Variants in AGR2 observed in about 807,000 individuals in gnomAD.
The protein encoded by AGR2 is anterior gradient 2, protein disulphide isomerase family member.
AGR2 carries 27 observed loss-of-function variants against 25.9 expected under a neutral mutation model. That is an observed-to-expected ratio of 1.04 (90% CI 0.77 to 1.44). The LOEUF is 1.44. Ranked by LOEUF, AGR2 falls within the 40% of genes most tolerant of loss-of-function variation. The pLI, the probability that AGR2 is intolerant of heterozygous loss-of-function variation, is 0.00. For missense variants in AGR2, 182 were observed against 200.9 expected (o/e 0.91, Z 0.57); for synonymous variants, 78 against 72.0 (o/e 1.08, Z -0.42).
At chr7:16,797,729 T>G (rs1472983743) in intron 5 of AGR2, 35 bp from the exon 6 acceptor site, 16 of 1,590,296 alleles carry the variant, frequency 1.0e-5, no homozygotes, top group Non-Finnish European at 1.3e-5. Flanking sequence ...TTAGTTTACT[T>G]TGACTTTTCA....
chr7:16,799,435 G>A lies in AGR2; in HGVS notation c.330+309C>T, dbSNP rs561681240. 365 of 267,008 alleles carry A rather than the reference G, an allele frequency of 1.4e-3. 1 individual carries two copies. The highest frequency in any genetic ancestry group is 3.6e-3 in the Admixed American group (75 of 20,600). 16.5% of individuals were successfully genotyped at this position (267,008 alleles called of 1,614,324 possible). A position where few individuals can be genotyped will look rare whatever the true frequency, so the allele number is the denominator to read the frequency against. ...GAGATGACCAGGATTAAGAATGGGT[G>A]TAGAGAAGCCAGGACTATAGAGGGA... On this transcript the variant is annotated intron_variant, in intron 5 of 7. Transcript: ENST00000419304.
At position 16,801,687 on chromosome 7, in the gene AGR2, C is replaced by T. The variant is rs372556930; in HGVS notation, c.110G>A (p.Arg37Gln). ...GGAGAGGGTCTGGGGCAGTTTGGGT[C>T]GAGAGTCCTTTGTGTCCTTTTTGGC... ...PGAKKDTKDSRPKLPQTLSRG... is the reference protein window; with the variant it reads ...PGAKKDTKDSQPKLPQTLSRG... Residue 37 changes from arginine to glutamine, a missense_variant, in exon 2 of 8, where the codon CGA becomes CAA. Coordinates refer to ENST00000419304, the MANE Select transcript of AGR2 (RefSeq NM_006408.4). 2.4e-5 allele frequency: 38 copies of T among 1,613,334 alleles called. No homozygotes were observed. The highest frequency in any genetic ancestry group is 4.0e-5 in the African/African-American group (3 of 74,658).
intron 7 of AGR2, among the ~76,000 whole-genome samples, chr7:16,793,679 C>T (rs58926405): frequency 0.027 from 4,044 of 152,200 alleles, 161 homozygotes; most frequent in East Asian, 0.076. Context: ...CATACAAACA[C>T]GATTAGAACT....
chr7:16,800,364 A>G (rs768017819), intron 4 of AGR2, among the ~76,000 whole-genome samples: 1 of 152,204 alleles, frequency 6.6e-6, no homozygotes, highest in Non-Finnish European at 1.5e-5. Flanking sequence ...ACTAGCTGTG[A>G]GGTGGGAATG....
At chr7:16,794,570 T>C (rs961449581) in intron 7 of AGR2, 2 of 428,936 alleles carry the variant, frequency 4.7e-6, no homozygotes, top group Non-Finnish European at 8.2e-6. Context: ...CTTTCACTTT[T>C]GTTATTTAAA....
intron 1 of AGR2, 47 bp from the exon 2 acceptor site, chr7:16,801,850 A>T (rs1326054768): frequency 1.3e-6 from 2 of 1,562,626 alleles, no homozygotes; most frequent in Non-Finnish European, 1.7e-6. Flanking sequence ...TTGAACTAGC[A>T]GTCTTCAGGG....
chr7:16,799,788 C>G lies in AGR2; in HGVS notation c.286G>C (p.Glu96Gln), dbSNP rs776432855. 6.8e-6 allele frequency: 11 copies of G among 1,613,126 alleles called. No individual in the cohort carries two copies. In the South Asian group the frequency reaches 1.1e-4, roughly 16 times the overall value. Residue 96 changes from glutamate (E) to glutamine (Q), a missense_variant, in exon 5 of 8, where the codon GAA (glutamate) becomes CAA (glutamine). By Grantham distance (29) the Glu-to-Gln change is conservative. Coordinates refer to ENST00000419304, the MANE Select transcript of AGR2 (RefSeq NM_006408.4). ...ALKKVFAENK[E>Q]IQKLAEQFVL... ...AACTGCTCTGCCAATTTCTGGATTTCTTTATTTTCAGCAAACACTTTCTTT... is the reference window on the plus strand; with the variant it reads ...AACTGCTCTGCCAATTTCTGGATTTGTTTATTTTCAGCAAACACTTTCTTT...
chr7:16,801,882 G>T, intron 1 of AGR2, 79 bp from the exon 2 acceptor site: 1 of 1,301,916 alleles, frequency 7.7e-7, no homozygotes, highest in South Asian at 1.5e-5. Flanking sequence ...CCCCACAACG[G>T]TGGAATATAC....
In AGR2 at chr7:16,796,197, C is replaced by T. The variant is rs574283141; in HGVS notation, c.395-1178G>A. 4.6e-5 allele frequency among the ~76,000 whole-genome samples: 7 copies of T among 152,256 alleles called. No homozygotes were observed. The East Asian group carries it at 5.8e-4, about 13-fold the overall frequency. On this transcript the variant is annotated intron_variant, in intron 6 of 7. Transcript: ENST00000419304. ...AAACATGTAGTCAGGGTGGCTACTA[C>T]GGAGCTAGAAGAGCAAGCTGCCTTG...
chr7:16,803,889 C>T (rs980896362), intron 1 of AGR2, among the ~76,000 whole-genome samples: 1 of 152,136 alleles, frequency 6.6e-6, no homozygotes, highest in Non-Finnish European at 1.5e-5. Context: ...TATCAACAAA[C>T]ATTTGATTTT....
chr7:16,794,880 A>G (rs376907838), intron 7 of AGR2, 56 bp downstream of exon 7: 8 of 1,611,694 alleles, frequency 5.0e-6, no homozygotes, highest in Non-Finnish European at 6.8e-6. Context: ...TCCCATCACT[A>G]CAGCAATAGA....
rs1231335207 is a variant in AGR2 at position 16,799,598 on chromosome 7, T to C, written c.330+146A>G. On this transcript the variant is annotated intron_variant, in intron 5 of 7. Transcript: ENST00000419304. ...AATGGATTATTAATACAACGAAATA[T>C]CTTTTTTCTCTCTAATTTATGAGAT... is the stretch of plus-strand genomic sequence containing the variant. 5 of 545,630 alleles carry C rather than the reference T, an allele frequency of 9.2e-6. No homozygotes were observed. The Admixed American group carries it at 1.3e-4, about 14-fold the overall frequency. 33.8% of individuals were successfully genotyped at this position (545,630 alleles called of 1,614,324 possible). A position where few individuals can be genotyped will look rare whatever the true frequency, so the allele number is the denominator to read the frequency against.
At chr7:16,799,972 A>G (rs1785113868) in intron 4 of AGR2, among the ~76,000 whole-genome samples, 155 bp from the exon 5 acceptor site, 1 of 152,238 alleles carries the variant, frequency 6.6e-6, no homozygotes, top group South Asian at 2.1e-4. Flanking sequence ...GTGAAGTAAT[A>G]TCTATGGCAT....
chr7:16,795,749 C>T (rs951201447), intron 6 of AGR2, among the ~76,000 whole-genome samples: 4 of 152,076 alleles, frequency 2.6e-5, no homozygotes, highest in African/African-American at 7.2e-5. Flanking sequence ...CCTTGAGAGA[C>T]GTAATCGAAA....
chr7:16,797,479 T>C (rs769929113), intron 6 of AGR2, 152 bp downstream of exon 6: 5 of 563,836 alleles, frequency 8.9e-6, no homozygotes, highest in Middle Eastern at 3.1e-4. Context: ...AAAGAAAATA[T>C]GTTGCGGAAC....
chr7:16,794,184 TC>T (rs1280975612), intron 7 of AGR2, among the ~76,000 whole-genome samples: 1 of 152,230 alleles, frequency 6.6e-6, no homozygotes, highest in Non-Finnish European at 1.5e-5. Context: ...ATGTTCAGTG[TC>T]CGGGCATTGA....
chr7:16,801,383 C>T lies in AGR2; in HGVS notation c.140G>A (p.Gly47Asp). ...AGTCCAGATGAGTTGGTCACCCCAA[C>T]CTAGAATGAAATGAATCAGTATATT... ...RPKLPQTLSRGWGDQLIWTQT... is the reference protein window; with the variant it reads ...RPKLPQTLSRDWGDQLIWTQT... The change falls in exon 3 of 8, where the codon GGT becomes GAT. Residue 47 changes from glycine to aspartate, a missense_variant and splice_region_variant. Coordinates refer to ENST00000419304, the MANE Select transcript of AGR2 (RefSeq NM_006408.4). 2 of 1,612,680 alleles carry T rather than the reference C, an allele frequency of 1.2e-6. No homozygotes were observed. Among genetic ancestry groups the T allele is most frequent in the Non-Finnish European group, 8.5e-7 (1 of 1,179,076 alleles).
Position 16,797,026 on chromosome 7 carries a change from A to G in AGR2, c.394+605T>C, listed in dbSNP as rs562128198. Reference sequence around the variant, plus strand: ...AACCTCTGCCTCTTGGGTTCAAGCAATTCTTGTGCCTCAGCCTCCCAGGTA... The same window carrying G: ...AACCTCTGCCTCTTGGGTTCAAGCAGTTCTTGTGCCTCAGCCTCCCAGGTA... On this transcript the variant is annotated intron_variant, in intron 6 of 7. Transcript: ENST00000419304. 1.6e-4 allele frequency among the ~76,000 whole-genome samples: 24 copies of G among 152,090 alleles called. No homozygotes were observed. In the South Asian group the frequency reaches 3.3e-3, roughly 21 times the overall value.
intron 7 of AGR2, among the ~76,000 whole-genome samples, chr7:16,794,011 G>T (rs537363397): frequency 6.6e-6 from 1 of 152,282 alleles, no homozygotes; most frequent in East Asian, 1.9e-4. Flanking sequence ...CTCAGTAATG[G>T]CTGACAGTAC....
Sources: allele counts gnomAD v4.1 joint callset (sites outside exome capture counted in the v4.1 genomes callset), GRCh38; gene constraint gnomAD v4.1.1; transcripts MANE v1.5; gene names NCBI Gene and HGNC (gene_info 2026-07-23, HGNC 2026-07-21).